Variants in SNX13 observed in about 807,000 individuals in gnomAD.
The protein encoded by SNX13 is sorting nexin-13.
SNX13 carries 45 observed loss-of-function variants against 133.6 expected under a neutral mutation model. The ratio of observed to expected loss-of-function variants is 0.34; its 90% CI spans 0.27 to 0.43. The LOEUF is 0.43. Among genes scored for constraint, SNX13 ranks in the 20% least tolerant of loss-of-function variants. The pLI, the probability that SNX13 is intolerant of heterozygous loss-of-function variation, is 1.00. For synonymous variants in SNX13, 414 were observed against 373.9 expected (o/e 1.11, Z -1.24); for missense variants, 1,032 against 1,145.1 (o/e 0.90, Z 1.43).
At chr7:17,926,721 T>C (rs1200378030) in intron 1 of SNX13, among the ~76,000 whole-genome samples, 1 of 151,992 alleles carries the variant, frequency 6.6e-6, no homozygotes, top group Non-Finnish European at 1.5e-5. Flanking sequence ...ACCCCATTTC[T>C]ACAAAAATAC....
intron 9 of SNX13, among the ~76,000 whole-genome samples, chr7:17,862,016 C>A (rs571020909): frequency 6.6e-6 from 1 of 152,320 alleles, no homozygotes; most frequent in African/African-American, 2.4e-5. Context: ...AGTAATTCAG[C>A]TATTTGCTGC....
intron 1 of SNX13, among the ~76,000 whole-genome samples, chr7:17,905,554 TA>T (rs1449452134): frequency 3.3e-5 from 5 of 152,214 alleles, no homozygotes; most frequent in African/African-American, 1.2e-4. Flanking sequence ...TAATCTCCTT[TA>T]TTTACAATTA....
chr7:17,861,802 G>A, intron 9 of SNX13, among the ~76,000 whole-genome samples: 1 of 152,158 alleles, frequency 6.6e-6, no homozygotes, highest in Non-Finnish European at 1.5e-5. Flanking sequence ...TAAAATCGTA[G>A]GATCAAGGTT....
At chr7:17,904,644 G>A (rs565144829) in intron 1 of SNX13, among the ~76,000 whole-genome samples, 1 of 152,128 alleles carries the variant, frequency 6.6e-6, no homozygotes, top group South Asian at 2.1e-4. Context: ...ATATTCACCT[G>A]GTATATTTAA....
chr7:17,918,678 G>A (rs1260487066), intron 1 of SNX13, among the ~76,000 whole-genome samples: 1 of 152,176 alleles, frequency 6.6e-6, no homozygotes, highest in East Asian at 1.9e-4. Flanking sequence ...TTCAGCCCCT[G>A]TAGAAAGCAG....
chr7:17,931,834 T>C (rs1224311982), intron 1 of SNX13, among the ~76,000 whole-genome samples: 2 of 152,230 alleles, frequency 1.3e-5, no homozygotes, highest in Non-Finnish European at 2.9e-5. Flanking sequence ...CAGAGCAGAA[T>C]CATCTTATTG....
chr7:17,848,571 C>T (rs1450084766), intron 11 of SNX13, among the ~76,000 whole-genome samples: 4 of 152,210 alleles, frequency 2.6e-5, no homozygotes, highest in Non-Finnish European at 5.9e-5. Flanking sequence ...GCACCTCTGA[C>T]TGGACAGCTG....
chr7:17,867,800 T>C (rs1793583676), intron 9 of SNX13, among the ~76,000 whole-genome samples: 2 of 152,200 alleles, frequency 1.3e-5, no homozygotes, highest in East Asian at 1.9e-4. Context: ...TATCAAAGTA[T>C]TCCCAGAAGG....
intron 1 of SNX13, among the ~76,000 whole-genome samples, chr7:17,905,645 AC>A: frequency 6.6e-6 from 1 of 152,328 alleles, no homozygotes; most frequent in East Asian, 1.9e-4. Context: ...AATTCCAAAA[AC>A]AAAAACTTGA....
Position 17,793,436 on chromosome 7 carries a change from TTTTA to T in SNX13, c.*605_*608del, listed in dbSNP as rs1287731554. 2 of 151,738 alleles carry T rather than the reference TTTTA, an allele frequency of 1.3e-5. No individual in the cohort carries two copies. The highest frequency in any genetic ancestry group is 2.1e-4 in the South Asian group (1 of 4,830). 9.4% of individuals were successfully genotyped at this position (151,738 alleles called of 1,614,324 possible). On this transcript the variant is annotated 3_prime_UTR_variant, in exon 26 of 26. Coordinates refer to ENST00000428135, the MANE Select transcript of SNX13 (RefSeq NM_015132.5). ...CCAATCAAATTCTGTGTTTGATTGG[TTTTA>T]TTTTATACTCAGCTTTATTTTATAT...
In SNX13 at chr7:17,821,614, T is replaced by C; in HGVS notation, c.1740A>G (p.Leu580=). 6.8e-6 allele frequency: 11 copies of C among 1,613,576 alleles called. No homozygotes were observed. The highest frequency in any genetic ancestry group is 8.5e-6 in the Non-Finnish European group (10 of 1,179,610). ...VCNDHGKTYA[L]YAITVHRRNL... ...TGCGCCGGTGTACAGTGATGGCATA[T>C]AATGCATATGTCTTGCCATGATCAT... The change falls in exon 18 of 26, where the codon TTA becomes TTG. Residue 580 remains leucine (L), a synonymous_variant. Coordinates refer to ENST00000428135, the MANE Select transcript of SNX13 (RefSeq NM_015132.5).
chr7:17,933,697 C>T (rs1012425720), intron 1 of SNX13, among the ~76,000 whole-genome samples: 1 of 151,850 alleles, frequency 6.6e-6, no homozygotes, highest in African/African-American at 2.4e-5. Context: ...GACTCCCCTC[C>T]TAATTTCCCC....
chr7:17,885,141 G>C (rs758648627), intron 5 of SNX13, among the ~76,000 whole-genome samples: 1 of 151,930 alleles, frequency 6.6e-6, no homozygotes, highest in Non-Finnish European at 1.5e-5. Context: ...TGTGTTCAAC[G>C]GAATATTATT....
At chr7:17,866,294 GAA>G (rs765308971) in intron 9 of SNX13, among the ~76,000 whole-genome samples, 4 of 128,876 alleles carry the variant, frequency 3.1e-5, no homozygotes, top group Admixed American at 7.8e-5. Flanking sequence ...AACTCAATAG[GAA>G]AAAAAAAAAA....
chr7:17,857,376 A>G (rs1792049750), intron 9 of SNX13, among the ~76,000 whole-genome samples: 1 of 152,178 alleles, frequency 6.6e-6, no homozygotes, highest in Admixed American at 6.5e-5. Context: ...ATACTTTGAA[A>G]CTCAATCTAC....
At chr7:17,822,776 ACT>A (rs1264386250) in intron 17 of SNX13, among the ~76,000 whole-genome samples, 4 of 152,010 alleles carry the variant, frequency 2.6e-5, no homozygotes, top group Non-Finnish European at 5.9e-5. Flanking sequence ...AAGTGTCACC[ACT>A]CTAACTGCTG....
chr7:17,829,536 C>A (rs1788253344), intron 16 of SNX13, among the ~76,000 whole-genome samples: 1 of 151,184 alleles, frequency 6.6e-6, no homozygotes. Context: ...TTTACAATGA[C>A]CTGAATTTGT....
At chr7:17,891,498 A>T in intron 4 of SNX13, 48 bp downstream of exon 4, 2 of 1,382,730 alleles carry the variant, frequency 1.4e-6, no homozygotes, top group Non-Finnish European at 2.0e-6. Context: ...AAAGAAATAT[A>T]CCTAGAACAC....
At chr7:17,883,156 G>C (rs1156754196) in intron 5 of SNX13, among the ~76,000 whole-genome samples, 1 of 152,166 alleles carries the variant, frequency 6.6e-6, no homozygotes, top group African/African-American at 2.4e-5. Context: ...AAGAAGTGCA[G>C]TCCTATATCC....
Sources: allele counts gnomAD v4.1 joint callset (sites outside exome capture counted in the v4.1 genomes callset), GRCh38; gene constraint gnomAD v4.1.1; transcripts MANE v1.5; gene names NCBI Gene and HGNC (gene_info 2026-07-23, HGNC 2026-07-21).